Variants in C8A observed in about 807,000 individuals in gnomAD.
C8A encodes complement C8 alpha chain.
Under a neutral mutation model 65.3 loss-of-function variants are expected in C8A, and 67 were observed. The ratio of observed to expected loss-of-function variants is 1.03; its 90% confidence interval spans 0.84 to 1.26. The LOEUF (loss-of-function observed/expected upper bound fraction) is 1.26. Ranked by LOEUF, C8A falls within the 50% of genes most tolerant of loss-of-function variation. C8A has a pLI of 0.00. For missense variants in C8A, 781 were observed against 723.9 expected (o/e 1.08, Z -0.90); for synonymous variants, 290 against 259.4 (o/e 1.12, Z -1.13).
At chr1:56,879,957 G>A (rs905211713) in intron 4 of C8A, among the ~76,000 whole-genome samples, 1 of 152,146 alleles carries the variant, frequency 6.6e-6, no homozygotes, top group Non-Finnish European at 1.5e-5. Flanking sequence ...TATGCTACAG[G>A]TAGTCACTGC....
intron 1 of C8A, among the ~76,000 whole-genome samples, chr1:56,865,629 A>T (rs1164108554): frequency 6.6e-6 from 1 of 152,136 alleles, no homozygotes; most frequent in Non-Finnish European, 1.5e-5. Context: ...TTGATGAAAA[A>T]ACTACCAAAC....
intron 7 of C8A, among the ~76,000 whole-genome samples, chr1:56,888,449 C>T (rs990538700): frequency 1.3e-5 from 2 of 152,034 alleles, no homozygotes; most frequent in African/African-American, 4.8e-5. Flanking sequence ...CAGTATTTTT[C>T]AAATAACATG....
chr1:56,896,369 G>A (rs905959504), intron 7 of C8A, among the ~76,000 whole-genome samples: 4 of 152,124 alleles, frequency 2.6e-5, no homozygotes, highest in African/African-American at 9.7e-5. Flanking sequence ...CCGAGAACCT[G>A]GGCAGCCAGT....
At chr1:56,898,172 T>G (rs1644400154) in intron 7 of C8A, among the ~76,000 whole-genome samples, 1 of 151,986 alleles carries the variant, frequency 6.6e-6, no homozygotes, top group African/African-American at 2.4e-5. Context: ...GGACTCGGTT[T>G]TGGAAGGGCT....
chr1:56,913,444 G>T (rs1644526282), intron 10 of C8A, among the ~76,000 whole-genome samples: 1 of 152,202 alleles, frequency 6.6e-6, no homozygotes, highest in African/African-American at 2.4e-5. Context: ...TGGTACCAGG[G>T]AAGAAAGTTA....
intron 7 of C8A, among the ~76,000 whole-genome samples, chr1:56,890,748 C>T (rs765282149): frequency 6.6e-6 from 1 of 152,112 alleles, no homozygotes; most frequent in Admixed American, 6.6e-5. Context: ...GCCGGAACCA[C>T]CCTTTCCTCT....
chr1:56,876,263 G>A (rs886117679), intron 4 of C8A, 54 bp downstream of exon 4: 41 of 1,607,212 alleles, frequency 2.6e-5, no homozygotes, highest in African/African-American at 4.0e-5. Context: ...GTCTTCAATC[G>A]TGAGCATTAG....
Position 56,912,516 on chromosome 1 carries a change from A to G in C8A, c.1494A>G (p.Arg498=), listed in dbSNP as rs770990433. 9.3e-6 allele frequency: 15 copies of G among 1,614,200 alleles called. No individual in the cohort carries two copies. The South Asian group carries it at 1.6e-4, about 18-fold the overall frequency. The part of the protein sequence containing the change: ...DQYLMEFNAC[R]CGPCFNNGVP... ...ATCTGATGGAATTCAATGCCTGCCG[A>G]TGTGGGCCTTGCTTCAACAATGGGG... Residue 498 remains arginine, a synonymous_variant, in exon 10 of 11, where the codon CGA becomes CGG. Transcript: ENST00000361249.
chr1:56,857,226 C>T (rs1019583651), intron 1 of C8A, among the ~76,000 whole-genome samples: 4 of 151,906 alleles, frequency 2.6e-5, no homozygotes, highest in Non-Finnish European at 5.9e-5. Context: ...GTTGCAATCT[C>T]CAACTGTATT....
chr1:56,859,063 G>T, intron 1 of C8A, among the ~76,000 whole-genome samples: 1 of 152,090 alleles, frequency 6.6e-6, no homozygotes, highest in Non-Finnish European at 1.5e-5. Flanking sequence ...TTTCTCTTTT[G>T]TCAGAAATCC....
chr1:56,867,865 C>T (rs371607802), intron 2 of C8A, among the ~76,000 whole-genome samples, 163 bp downstream of exon 2: 2 of 152,014 alleles, frequency 1.3e-5, no homozygotes, highest in East Asian at 3.9e-4. Flanking sequence ...AACTTGTTTC[C>T]GTGTCTCCTA....
At chr1:56,913,426 G>C (rs959032186) in intron 10 of C8A, among the ~76,000 whole-genome samples, 1 of 152,192 alleles carries the variant, frequency 6.6e-6, no homozygotes, top group Non-Finnish European at 1.5e-5. Flanking sequence ...ACTGCAACAT[G>C]AACCAACTGG....
At position 56,912,635 on chromosome 1, in the gene C8A, G is replaced by A. The variant is rs368069766; in HGVS notation, c.1603+10G>A. The A allele has an allele frequency of 2.7e-5, 44 of 1,612,376 alleles. No individual in the cohort carries two copies. The African/African-American group carries it at 2.8e-4, about 10-fold the overall frequency. ...CAAACACAGACAGAAGGTAAGGTCC[G>A]TGCATCCCCACCCAGTTCCAGCCTG... On this transcript the variant is annotated intron_variant, in intron 10 of 10. Transcript: ENST00000361249.
chr1:56,901,880 G>C (rs950142089), intron 7 of C8A, among the ~76,000 whole-genome samples: 6 of 151,970 alleles, frequency 3.9e-5, no homozygotes, highest in South Asian at 2.1e-4. Flanking sequence ...ATAATTATCT[G>C]TTTCCTTGTC....
intron 7 of C8A, among the ~76,000 whole-genome samples, chr1:56,890,175 C>T (rs6668097): frequency 0.017 from 2,620 of 152,192 alleles, 63 homozygotes; most frequent in African/African-American, 0.053. Context: ...TTCCTGGCCT[C>T]CTTTGCACAT....
At chr1:56,873,241 A>G (rs1644163615) in intron 2 of C8A, among the ~76,000 whole-genome samples, 1 of 152,212 alleles carries the variant, frequency 6.6e-6, no homozygotes, top group Non-Finnish European at 1.5e-5. Flanking sequence ...CTGCACGGAT[A>G]ACAGTAACAA....
intron 1 of C8A, among the ~76,000 whole-genome samples, chr1:56,865,423 G>A (rs1032449024): frequency 6.6e-6 from 1 of 152,228 alleles, no homozygotes; most frequent in Non-Finnish European, 1.5e-5. Flanking sequence ...TGGAAGGGAT[G>A]TGGGAGGTCC....
chr1:56,901,118 T>A (rs1644423401), intron 7 of C8A, among the ~76,000 whole-genome samples: 1 of 152,018 alleles, frequency 6.6e-6, no homozygotes, highest in Non-Finnish European at 1.5e-5. Context: ...GACAGGTGAG[T>A]TAGCTAACAC....
intron 6 of C8A, among the ~76,000 whole-genome samples, chr1:56,885,273 A>AATATATATTTACGTAAATATATATTT (rs1644280618): frequency 4.6e-5 from 6 of 131,586 alleles, no homozygotes; most frequent in East Asian, 2.2e-4. Context: ...TTTATATATA[A>AATATATATTTACGTAAATATATATTT]ATATATATTT....
Sources: allele counts gnomAD v4.1 joint callset (sites outside exome capture counted in the v4.1 genomes callset), GRCh38; gene constraint gnomAD v4.1.1; transcripts MANE v1.5; gene names NCBI Gene and HGNC (gene_info 2026-07-23, HGNC 2026-07-21).